Variants in DMD observed in about 807,000 individuals in gnomAD.
DMD encodes mutant dystrophin.
Under a neutral mutation model 330.1 loss-of-function variants are expected in DMD, and 63 were observed. The ratio of observed to expected loss-of-function variants is 0.19; its 90% CI spans 0.16 to 0.24. DMD has a LOEUF of 0.24. Among genes scored for constraint, DMD ranks in the 10% least tolerant of loss-of-function variants. The probability of loss-of-function intolerance (pLI) is 1.00; values close to 1 mark genes in which losing one functional copy is unlikely to be tolerated. For missense variants in DMD, 3,344 were observed against 2,684.1 expected (o/e 1.25, Z -5.43); for synonymous variants, 1,223 against 959.8 (o/e 1.27, Z -5.07).
intron 60 of DMD, among the ~76,000 whole-genome samples, chrX:31,425,341 A>G (rs1012607032): frequency 8.9e-6 from 1 of 112,326 alleles, no homozygotes; most frequent in African/African-American, 3.2e-5. Context: ...AATATCATAC[A>G]TTATTTACTA....
chrX:32,466,655 G>A (rs192463466), intron 23 of DMD, among the ~76,000 whole-genome samples: 3 of 111,516 alleles, frequency 2.7e-5, no homozygotes, highest in African/African-American at 3.3e-5. Context: ...AAAGGAAGGT[G>A]AGAAGGAGAG....
intron 67 of DMD, among the ~76,000 whole-genome samples, chrX:31,200,382 G>A (rs1233353297): frequency 9.0e-6 from 1 of 111,490 alleles, no homozygotes; most frequent in Non-Finnish European, 1.9e-5. Flanking sequence ...CCTTCCACCA[G>A]CTGAGGGACT....
intron 13 of DMD, among the ~76,000 whole-genome samples, chrX:32,595,169 C>T (rs187714555): frequency 1.8e-5 from 2 of 111,416 alleles, no homozygotes; most frequent in Non-Finnish European, 3.8e-5. Context: ...TAGGGATAAT[C>T]AGTACATTTA....
chrX:31,209,390 TA>T (rs2044410588), intron 65 of DMD, 107 bp downstream of exon 65: 3 of 765,817 alleles, frequency 3.9e-6, no homozygotes, highest in Non-Finnish European at 4.0e-6. Flanking sequence ...GGAAGAGCAT[TA>T]GGTCCACAGC....
In DMD at chrX:32,781,728, G is replaced by T. The variant is rs182655043; in HGVS notation, c.649+27765C>A. ...ATTGACAAGATGGGCACATGAGTAC[G>T]TGCACACACATACATCCGCATACTA... On this transcript the variant is annotated intron_variant, in intron 7 of 78. Coordinates refer to ENST00000357033, the MANE Select transcript of DMD (RefSeq NM_004006.3). Among the ~76,000 whole-genome samples the T allele has an allele frequency of 5.5e-4, 61 of 110,611 alleles. 1 individual carries two copies. The highest frequency in any genetic ancestry group is 1.9e-3 in the African/African-American group (58 of 30,400).
chrX:31,480,024 G>C (rs745548208), intron 57 of DMD, among the ~76,000 whole-genome samples: 1 of 111,979 alleles, frequency 8.9e-6, no homozygotes, highest in Admixed American at 9.5e-5. Flanking sequence ...ATTAATAAAA[G>C]TATTAAGTGC....
chrX:31,176,033 A>G (rs56690632), intron 71 of DMD, among the ~76,000 whole-genome samples: 7,302 of 111,535 alleles, frequency 0.065, 546 homozygotes, highest in African/African-American at 0.21. Flanking sequence ...TAATCATCAT[A>G]GGATTTGTTA....
chrX:31,454,765 A>AT (rs1323697758), intron 59 of DMD, among the ~76,000 whole-genome samples: 1 of 107,813 alleles, frequency 9.3e-6, no homozygotes, highest in African/African-American at 3.4e-5. Context: ...TTTTTATTTT[A>AT]TTTTTCAGAC....
At position 31,292,555 on chromosome X, in the gene DMD, T is replaced by TGGTTTCCAGGC. The variant is rs1259650689; in HGVS notation, c.9224+31042_9224+31043insGCCTGGAAACC. Among the ~76,000 whole-genome samples, 141 of 111,945 alleles carry TGGTTTCCAGGC rather than the reference T, an allele frequency of 1.3e-3. 1 individual carries two copies. The highest frequency in any genetic ancestry group is 4.0e-3 in the African/African-American group (124 of 30,850). ...ACCACTTTGGAAAACCAGGAGTATCTACTAAAGCTCAGCATATGCCTACCC... is the reference window on the plus strand; with the variant it reads ...ACCACTTTGGAAAACCAGGAGTATCTGGTTTCCAGGCACTAAAGCTCAGCATATGCCTACCC... On this transcript the variant is annotated intron_variant, in intron 62 of 78. Coordinates refer to ENST00000357033, the MANE Select transcript of DMD (RefSeq NM_004006.3).
intron 71 of DMD, among the ~76,000 whole-genome samples, chrX:31,174,285 C>T (rs752089135): frequency 2.1e-4 from 23 of 111,633 alleles, no homozygotes; most frequent in Non-Finnish European, 4.4e-4. Context: ...CTTAGAGATA[C>T]TGTGTGCTAA....
chrX:31,958,319 T>A (rs931454556), intron 45 of DMD, among the ~76,000 whole-genome samples: 5 of 110,674 alleles, frequency 4.5e-5, no homozygotes, highest in African/African-American at 1.6e-4. Context: ...TATATTCAAA[T>A]AAATGCTGTA....
At chrX:31,266,785 G>A (rs1427340762) in intron 62 of DMD, 18 of 1,181,931 alleles carry the variant, frequency 1.5e-5, no homozygotes, top group Non-Finnish European at 1.8e-5. Context: ...GCCATCAGAC[G>A]GGGCCGGGGC....
At chrX:32,502,954 T>A (rs1271617628) in intron 18 of DMD, among the ~76,000 whole-genome samples, 1 of 111,559 alleles carries the variant, frequency 9.0e-6, no homozygotes, top group Admixed American at 9.6e-5. Flanking sequence ...TATTCAGCAC[T>A]TGAAAGGTGG....
rs147675870 is a variant in DMD, at chrX:32,032,649, T to C, written c.6439-64135A>G. Among the ~76,000 whole-genome samples the C allele has an allele frequency of 6.2e-3, 697 of 111,930 alleles. 6 individuals carry two copies. The highest frequency in any genetic ancestry group is 0.022 in the African/African-American group (674 of 30,871). ...TATTTCAGAAAAAAAATTTAGACCT[T>C]AACAAGTAGGGTCCTTGCCCTTGGG... On this transcript the variant is annotated intron_variant, in intron 44 of 78. Coordinates refer to ENST00000357033, the MANE Select transcript of DMD (RefSeq NM_004006.3).
At chrX:33,171,984 C>T (rs1455554701) in intron 1 of DMD, among the ~76,000 whole-genome samples, 1 of 110,752 alleles carries the variant, frequency 9.0e-6, no homozygotes, top group Non-Finnish European at 1.9e-5. Context: ...CAGGTGATTC[C>T]CTCATGATGC....
At chrX:31,266,977 C>T (rs1006574024) in intron 62 of DMD, 2 of 947,551 alleles carry the variant, frequency 2.1e-6, no homozygotes, top group African/African-American at 4.2e-5. Flanking sequence ...GCGGGCGGGC[C>T]GGGGAGGGGG....
At chrX:31,183,012 A>T in intron 67 of DMD, 108 bp from the exon 68 acceptor site, 1 of 701,616 alleles carries the variant, frequency 1.4e-6, no homozygotes. Flanking sequence ...AACAGAAAAG[A>T]TAGAAAGAAC....
At chrX:32,730,703 A>C (rs752794967) in intron 7 of DMD, among the ~76,000 whole-genome samples, 4 of 112,199 alleles carry the variant, frequency 3.6e-5, no homozygotes, top group Non-Finnish European at 5.6e-5. Flanking sequence ...GGAGCCACTA[A>C]ATATTTTGAA....
chrX:31,903,233 A>T (rs1200107574), intron 47 of DMD, among the ~76,000 whole-genome samples: 1 of 111,715 alleles, frequency 9.0e-6, no homozygotes, highest in East Asian at 2.8e-4. Flanking sequence ...TTTCATACTT[A>T]GGTTTTGTAA....
Sources: allele counts gnomAD v4.1 joint callset (sites outside exome capture counted in the v4.1 genomes callset), GRCh38; gene constraint gnomAD v4.1.1; transcripts MANE v1.5; gene names NCBI Gene and HGNC (gene_info 2026-07-23, HGNC 2026-07-21).